ANKIB1: variants seen among roughly 807,000 people sequenced by gnomAD.
The protein encoded by ANKIB1 is ankyrin repeat and IBR domain-containing protein 1.
In ANKIB1, 43 loss-of-function variants were observed where a neutral mutation model predicts 122.1. The ratio of observed to expected loss-of-function variants is 0.35; its 90% CI spans 0.28 to 0.45. ANKIB1 has a LOEUF of 0.45. Among genes scored for constraint, ANKIB1 ranks in the 20% least tolerant of loss-of-function variants. ANKIB1 has a pLI of 1.00. For synonymous variants in ANKIB1, 390 were observed against 442.0 expected (o/e 0.88, Z 1.48); for missense variants, 992 against 1,329.5 (o/e 0.75, Z 3.95).
rs1365222512 is a variant in ANKIB1, at chr7:92,398,418, T to C, written c.2739T>C (p.Ser913=). 6.2e-7 allele frequency: 1 copy of C among 1,613,470 alleles called. No homozygotes were observed. Among genetic ancestry groups the C allele is most frequent in the East Asian group, 2.2e-5 (1 of 44,832 alleles). ...TDSPRAALSS[S]ELLELGDSLM... is the part of the protein sequence containing the mutation. ...GCCCTCGGGCTGCATTGAGCAGCTC[T>C]GAGCTTTTGGAACTTGGTGACAGCC... is the stretch of plus-strand genomic sequence containing the variant. Residue 913 remains serine (S), a synonymous_variant, in exon 20 of 20, where the codon TCT becomes TCC. Transcript: ENST00000265742.
chr7:92,286,078 T>TAA (rs1470581852), intron 1 of ANKIB1, among the ~76,000 whole-genome samples: 4 of 152,216 alleles, frequency 2.6e-5, no homozygotes, highest in African/African-American at 9.6e-5. Context: ...AACCCTGGTA[T>TAA]CCCTGAAGCT....
chr7:92,336,272 C>T (rs1263062038), intron 5 of ANKIB1, among the ~76,000 whole-genome samples: 1 of 151,956 alleles, frequency 6.6e-6, no homozygotes, highest in African/African-American at 2.4e-5. Context: ...TAAGCCAACA[C>T]AGTAAAAATT....
In ANKIB1 at chr7:92,398,666, G is replaced by A. The variant is rs781347135; in HGVS notation, c.2987G>A (p.Ser996Asn). 6.2e-7 allele frequency: 1 copy of A among 1,613,930 alleles called. No individual in the cohort carries two copies. The highest frequency in any genetic ancestry group is 8.5e-7 in the Non-Finnish European group (1 of 1,179,864). Residue 996 changes from serine (S) to asparagine (N), a missense_variant, in exon 20 of 20, where the codon AGT becomes AAT. Physicochemically the swap from Ser to Asn is conservative, Grantham distance 46. Transcript: ENST00000265742. ...ALIPPATTEI[S>N]ADSQLPCIKD... ...ATTCCTCCAGCAACTACAGAAATCA[G>A]TGCAGATTCCCAGCTCCCCTGTATC...
At chr7:92,371,408 G>A (rs1039016046) in intron 10 of ANKIB1, 69 bp from the exon 11 acceptor site, 3 of 1,369,446 alleles carry the variant, frequency 2.2e-6, no homozygotes, top group Non-Finnish European at 3.0e-6. Context: ...AAGTGTGGAG[G>A]GTTTTTTTTT....
chr7:92,329,030 T>C (rs1803096683), intron 5 of ANKIB1, among the ~76,000 whole-genome samples: 1 of 150,564 alleles, frequency 6.6e-6, no homozygotes, highest in Admixed American at 6.6e-5. Context: ...TGCAGTGGTG[T>C]GATCTTGGCT....
intron 11 of ANKIB1, among the ~76,000 whole-genome samples, chr7:92,373,071 T>C (rs1804310046): frequency 6.6e-6 from 1 of 152,166 alleles, no homozygotes; most frequent in Non-Finnish European, 1.5e-5. Flanking sequence ...AAAATTAATA[T>C]AAATGAATTG....
intron 1 of ANKIB1, among the ~76,000 whole-genome samples, chr7:92,259,091 CCACAGATG>C (rs1448715689): frequency 6.6e-6 from 1 of 151,986 alleles, no homozygotes; most frequent in East Asian, 1.9e-4. Context: ...GTAGCTGGGA[CCACAGATG>C]CATGCCACCA....
chr7:92,300,258 T>TA (rs1217045981), intron 2 of ANKIB1, among the ~76,000 whole-genome samples: 1 of 152,218 alleles, frequency 6.6e-6, no homozygotes, highest in Non-Finnish European at 1.5e-5. Context: ...ACAGGAAATA[T>TA]GATTGTATAT....
intron 11 of ANKIB1, among the ~76,000 whole-genome samples, chr7:92,376,435 CT>C (rs1018441745): frequency 6.7e-6 from 1 of 150,022 alleles, no homozygotes; most frequent in African/African-American, 2.4e-5. Flanking sequence ...TTACCTTGCA[CT>C]TTTTTTTTAT....
intron 1 of ANKIB1, among the ~76,000 whole-genome samples, chr7:92,286,289 G>T (rs1802121627): frequency 6.6e-6 from 1 of 151,818 alleles, no homozygotes; most frequent in African/African-American, 2.4e-5. Context: ...TACTGTAGAG[G>T]GACCAGTGGA....
At chr7:92,260,573 A>G (rs1195868219) in intron 1 of ANKIB1, among the ~76,000 whole-genome samples, 1 of 151,990 alleles carries the variant, frequency 6.6e-6, no homozygotes, top group African/African-American at 2.4e-5. Flanking sequence ...CCAGCTGCTC[A>G]GGAGGAGGCT....
At chr7:92,281,538 T>C (rs1293299354) in intron 1 of ANKIB1, among the ~76,000 whole-genome samples, 3 of 152,336 alleles carry the variant, frequency 2.0e-5, no homozygotes. Context: ...AATTGTAATA[T>C]TGAATAAACT....
chr7:92,373,795 C>A (rs1000941561), intron 11 of ANKIB1, among the ~76,000 whole-genome samples: 1 of 152,152 alleles, frequency 6.6e-6, no homozygotes, highest in Non-Finnish European at 1.5e-5. Flanking sequence ...CTTTTGAACT[C>A]AAATGTGTTT....
At chr7:92,353,942 G>C (rs1164318571) in intron 9 of ANKIB1, among the ~76,000 whole-genome samples, 1 of 152,096 alleles carries the variant, frequency 6.6e-6, no homozygotes, top group Non-Finnish European at 1.5e-5. Flanking sequence ...ACATAAATTA[G>C]GAAAATGTCT....
intron 4 of ANKIB1, among the ~76,000 whole-genome samples, chr7:92,324,217 T>C (rs1053210988): frequency 3.9e-4 from 60 of 152,350 alleles, no homozygotes; most frequent in East Asian, 1.5e-3. Context: ...TTTTATGTTA[T>C]GAGTTTTACC....
At chr7:92,247,995 C>CTG in intron 1 of ANKIB1, among the ~76,000 whole-genome samples, 1 of 152,328 alleles carries the variant, frequency 6.6e-6, no homozygotes, top group Non-Finnish European at 1.5e-5. Context: ...AGCTCCAACT[C>CTG]TGTCTCTGGA....
At chr7:92,332,677 A>C (rs762856204) in intron 5 of ANKIB1, among the ~76,000 whole-genome samples, 1 of 152,080 alleles carries the variant, frequency 6.6e-6, no homozygotes, top group Non-Finnish European at 1.5e-5. Context: ...ATTATTTTTA[A>C]CTCCTTTGGA....
chr7:92,248,113 C>CT (rs1801237580), intron 1 of ANKIB1, among the ~76,000 whole-genome samples: 1 of 152,016 alleles, frequency 6.6e-6, no homozygotes, highest in South Asian at 2.1e-4. Context: ...GAGTAGGGTG[C>CT]TATAGTGAGG....
At chr7:92,272,216 C>T (rs1408855580) in intron 1 of ANKIB1, among the ~76,000 whole-genome samples, 1 of 151,666 alleles carries the variant, frequency 6.6e-6, no homozygotes, top group East Asian at 1.9e-4. Context: ...AACAGAACCG[C>T]ACCAAGGCAT....
Sources: allele counts gnomAD v4.1 joint callset (sites outside exome capture counted in the v4.1 genomes callset), GRCh38; gene constraint gnomAD v4.1.1; transcripts MANE v1.5; gene names NCBI Gene and HGNC (gene_info 2026-07-23, HGNC 2026-07-21).